Variants in HTR4 observed in about 807,000 individuals in gnomAD.
HTR4 encodes 5-hydroxytryptamine (serotonin) receptor 4, G protein-coupled.
A neutral mutation model predicts 36.8 loss-of-function variants in HTR4; 16 were observed. The observed-to-expected ratio is 0.43, with a 90% CI of 0.29 to 0.66. The LOEUF (loss-of-function observed/expected upper bound fraction) is 0.66. Among genes scored for constraint, HTR4 ranks in the 30% least tolerant of loss-of-function variants. HTR4 has a pLI of 0.13. For missense variants in HTR4, 438 were observed against 490.9 expected (o/e 0.89, Z 1.02); for synonymous variants, 189 against 185.1 (o/e 1.02, Z -0.17).
At chr5:148,502,444 G>A (rs946888242) in intron 6 of HTR4, among the ~76,000 whole-genome samples, 1 of 152,210 alleles carries the variant, frequency 6.6e-6, no homozygotes, top group Non-Finnish European at 1.5e-5. Context: ...GGTCCTGACT[G>A]TTAGAAGGAA....
chr5:148,518,564 C>G (rs945279690), intron 5 of HTR4, among the ~76,000 whole-genome samples: 3 of 152,118 alleles, frequency 2.0e-5, no homozygotes, highest in Non-Finnish European at 1.5e-5. Context: ...TATAGAGTAG[C>G]CAGAATGATT....
chr5:148,483,893 A>G (rs1005516164), intron 6 of HTR4, among the ~76,000 whole-genome samples: 3 of 151,908 alleles, frequency 2.0e-5, no homozygotes, highest in Admixed American at 6.6e-5. Flanking sequence ...ACAACTGTCA[A>G]TTCCTGAGGT....
chr5:148,521,772 A>G (rs1401561312), intron 5 of HTR4, among the ~76,000 whole-genome samples: 1 of 152,060 alleles, frequency 6.6e-6, no homozygotes, highest in African/African-American at 2.4e-5. Context: ...TTGAGAACCA[A>G]TGGATCTTCT....
chr5:148,517,446 A>G (rs766859615), intron 5 of HTR4, among the ~76,000 whole-genome samples: 24 of 152,068 alleles, frequency 1.6e-4, no homozygotes, highest in Non-Finnish European at 2.9e-4. Flanking sequence ...GACATCTCCA[A>G]TTGCATATCT....
intron 2 of HTR4, among the ~76,000 whole-genome samples, chr5:148,615,708 GAAATAAAATAAAATA>G (rs71001495): frequency 4.1e-5 from 6 of 145,424 alleles, no homozygotes; most frequent in African/African-American, 1.3e-4. Context: ...AAGAAAGAAA[GAAATAAAATAAAATA>G]AAATAAAATA....
chr5:148,530,855 T>A (rs1758526592), intron 4 of HTR4, among the ~76,000 whole-genome samples: 1 of 152,208 alleles, frequency 6.6e-6, no homozygotes, highest in African/African-American at 2.4e-5. Context: ...ACCTACCTCT[T>A]GCACCAGCAT....
chr5:148,654,296 C>T lies in HTR4; in HGVS notation c.-282G>A, dbSNP rs185233796. Reference sequence around the variant, plus strand: ...CCAGCCCCGGATCACCTGGGCTCGCCGCGCATCGTCCTTCTCCCCAACCGA... The same window carrying T: ...CCAGCCCCGGATCACCTGGGCTCGCTGCGCATCGTCCTTCTCCCCAACCGA... On this transcript the variant is annotated 5_prime_UTR_variant, in exon 1 of 7. Transcript: ENST00000377888. 2,660 of 984,702 alleles carry T rather than the reference C, an allele frequency of 2.7e-3. 48 individuals carry two copies. In the African/African-American group the frequency reaches 0.04, roughly 15 times the overall value. The allele number at this position is 984,702 out of a possible 1,614,324, so 61.0% of individuals were successfully genotyped here.
At chr5:148,469,959 G>C (rs1561563785) in intron 5 of HTR4, among the ~76,000 whole-genome samples, 2 of 152,132 alleles carry the variant, frequency 1.3e-5, no homozygotes. Context: ...ATGTATCAGA[G>C]GGAGATCACA....
intron 2 of HTR4, among the ~76,000 whole-genome samples, chr5:148,567,211 T>G (rs1398780631): frequency 6.6e-6 from 1 of 152,186 alleles, no homozygotes; most frequent in East Asian, 1.9e-4. Context: ...TTCAATAATT[T>G]TTTTTAAACA....
At chr5:148,472,400 C>T (rs1460498085), downstream of HTR4, among the ~76,000 whole-genome samples, 2 of 152,168 alleles carry the variant, frequency 1.3e-5, no homozygotes, top group African/African-American at 4.8e-5. Flanking sequence ...TCTGTTATCT[C>T]CTGAGATACT....
At chr5:148,521,419 G>C (rs902383109) in intron 5 of HTR4, among the ~76,000 whole-genome samples, 1 of 151,966 alleles carries the variant, frequency 6.6e-6, no homozygotes, top group African/African-American at 2.4e-5. Flanking sequence ...TTGAATAGGA[G>C]GGAACTCATG....
In HTR4 at chr5:148,576,110, C is replaced by CAAAAAAAAAAAAA. The variant is rs781780161; in HGVS notation, c.27-25861_27-25849dup. The stretch of plus-strand genomic sequence containing the variant: ...TGGGCGACAGAGCGAGACTCCGTCT[C>CAAAAAAAAAAAAA]AAAAAAAAAAAAAAAAAAAAAAACA... On this transcript the variant is annotated intron_variant, in intron 2 of 6. Coordinates refer to ENST00000377888, the MANE Select transcript of HTR4 (RefSeq NM_000870.7). Among the ~76,000 whole-genome samples the CAAAAAAAAAAAAA allele has an allele frequency of 1.4e-3, 47 of 32,692 alleles. 2 individuals carry two copies. The highest frequency in any genetic ancestry group is 0.026 in the Middle Eastern group (1 of 38). The allele number at this position is 32,692 out of a possible 152,430, so 21.4% of individuals were successfully genotyped here.
chr5:148,562,944 G>T lies in HTR4; in HGVS notation c.27-12682C>A, dbSNP rs564719260. 2.6e-5 allele frequency among the ~76,000 whole-genome samples: 4 copies of T among 152,180 alleles called. No individual in the cohort carries two copies. The South Asian group carries it at 6.2e-4, about 24-fold the overall frequency. ...TGGTGACTGCAAAGTCCTCTCAACTGGCATCCCTGCTTCCATCATTTCTCA... is the reference window on the plus strand; with the variant it reads ...TGGTGACTGCAAAGTCCTCTCAACTTGCATCCCTGCTTCCATCATTTCTCA... On this transcript the variant is annotated intron_variant, in intron 2 of 6. Coordinates refer to ENST00000377888, the MANE Select transcript of HTR4 (RefSeq NM_000870.7).
In HTR4 at chr5:148,503,236, CAG is replaced by C. The variant is rs199869228; in HGVS notation, c.1076+6218_1076+6219del. ...TGAAGGAAAAAATGTTAAGGGCAGC[CAG>C]AGAGAAAGGTCAGGTTACCCACAAA... is the stretch of plus-strand genomic sequence containing the variant. On this transcript the variant is annotated intron_variant, in intron 6 of 6. Coordinates refer to ENST00000377888, the MANE Select transcript of HTR4 (RefSeq NM_000870.7). Among the ~76,000 whole-genome samples, 1,264 of 152,200 alleles carry C rather than the reference CAG, an allele frequency of 8.3e-3. 14 individuals are homozygous for C. Among genetic ancestry groups the C allele is most frequent in the African/African-American group, 0.029 (1,216 of 41,518 alleles).
chr5:148,631,001 G>T (rs1208264537), intron 2 of HTR4, among the ~76,000 whole-genome samples: 2 of 152,090 alleles, frequency 1.3e-5, no homozygotes, highest in Non-Finnish European at 2.9e-5. Context: ...AGATGTATAG[G>T]ATCACGTATA....
chr5:148,557,131 A>T (rs1238278631), intron 2 of HTR4, among the ~76,000 whole-genome samples: 1 of 152,138 alleles, frequency 6.6e-6, no homozygotes. Context: ...CTATTGGAAG[A>T]TCAATGAGAA....
chr5:148,615,197 T>C (rs1752612703), intron 2 of HTR4, among the ~76,000 whole-genome samples: 1 of 152,118 alleles, frequency 6.6e-6, no homozygotes, highest in African/African-American at 2.4e-5. Flanking sequence ...CCCAAAGGAC[T>C]ATAAATCATG....
chr5:148,522,147 A>G (rs1758050230), intron 5 of HTR4, among the ~76,000 whole-genome samples: 1 of 152,118 alleles, frequency 6.6e-6, no homozygotes, highest in Non-Finnish European at 1.5e-5. Flanking sequence ...GCCACGTAAG[A>G]TGTGCCTTTT....
chr5:148,623,933 A>G (rs1753000183), intron 2 of HTR4, among the ~76,000 whole-genome samples: 1 of 150,954 alleles, frequency 6.6e-6, no homozygotes, highest in South Asian at 2.1e-4. Flanking sequence ...CCCCTCCCGG[A>G]TTTTCTTGGA....
Sources: allele counts gnomAD v4.1 joint callset (sites outside exome capture counted in the v4.1 genomes callset), GRCh38; gene constraint gnomAD v4.1.1; transcripts MANE v1.5; gene names NCBI Gene and HGNC (gene_info 2026-07-23, HGNC 2026-07-21).